Variants in CCDC88C observed in about 807,000 individuals in gnomAD.
CCDC88C encodes the protein coiled-coil and HOOK domain protein 88C.
Under a neutral mutation model 198.8 loss-of-function variants are expected in CCDC88C, and 131 were observed. That is an observed-to-expected ratio of 0.66 (90% confidence interval 0.57 to 0.76). The LOEUF (loss-of-function observed/expected upper bound fraction) is 0.76. Ranked by LOEUF, CCDC88C falls within the 30% of genes least tolerant of loss-of-function variation. The pLI is 0.00. For missense variants in CCDC88C, 2,553 were observed against 2,631.6 expected, an observed-to-expected ratio of 0.97 and a Z score of 0.65; for synonymous variants, 1,166 against 1,114.7, an observed-to-expected ratio of 1.05 and a Z score of -0.92.
intron 22 of CCDC88C, among the ~76,000 whole-genome samples, chr14:91,296,619 G>A (rs1426078396): frequency 6.6e-6 from 1 of 152,350 alleles, no homozygotes; most frequent in East Asian, 1.9e-4. Flanking sequence ...GGCACCCTGC[G>A]CCTCGGTTTC....
intron 3 of CCDC88C, among the ~76,000 whole-genome samples, chr14:91,363,044 C>A (rs752519467): frequency 6.6e-6 from 1 of 152,102 alleles, no homozygotes; most frequent in Non-Finnish European, 1.5e-5. Flanking sequence ...AAGCTACTCT[C>A]GAGCCATTAA....
At chr14:91,317,128 A>G (rs1420011558) in intron 13 of CCDC88C, among the ~76,000 whole-genome samples, 1 of 152,236 alleles carries the variant, frequency 6.6e-6, no homozygotes, top group Non-Finnish European at 1.5e-5. Flanking sequence ...TGACTCAAAG[A>G]ATGAACTCTT....
At position 91,339,004 on chromosome 14, in the gene CCDC88C, C is replaced by T. The variant is rs1397073561; in HGVS notation, c.809+274G>A. On this transcript the variant is annotated intron_variant, in intron 8 of 29. Transcript: ENST00000389857. This position sits in a 1 kb window ranked among gnomAD's most constrained non-coding sequence, Gnocchi z 5.8. ...GTCCCGGCCCCAAGCTGGAGCTGAG[C>T]GTGGACTGGAGGCTGCTTCTGTGGA... 5.4e-6 allele frequency: 3 copies of T among 554,456 alleles called. No individual in the cohort carries two copies. Among genetic ancestry groups the T allele is most frequent in the Admixed American group, 5.7e-5 (2 of 34,886 alleles). The allele number at this position is 554,456 out of a possible 1,614,324, so 34.3% of individuals were successfully genotyped here.
chr14:91,361,737 T>C (rs1002411868), intron 3 of CCDC88C, among the ~76,000 whole-genome samples: 1 of 152,188 alleles, frequency 6.6e-6, no homozygotes, highest in Non-Finnish European at 1.5e-5. Flanking sequence ...AGCCCTCCTT[T>C]AGGGCTTGGG....
chr14:91,351,589 G>T (rs573110443), intron 4 of CCDC88C, among the ~76,000 whole-genome samples: 2 of 152,276 alleles, frequency 1.3e-5, no homozygotes, highest in East Asian at 3.9e-4. Flanking sequence ...CTCACATTCT[G>T]GGGAGCGGCC....
chr14:91,372,869 G>T (rs1419371369), intron 3 of CCDC88C, among the ~76,000 whole-genome samples: 1 of 152,202 alleles, frequency 6.6e-6, no homozygotes, highest in Non-Finnish European at 1.5e-5. Flanking sequence ...AATCAAGCCT[G>T]TGCCTGGCAT....
At position 91,326,060 on chromosome 14, in the gene CCDC88C, G is replaced by A; in HGVS notation, c.1051-4C>T. On this transcript the variant is annotated splice_polypyrimidine_tract_variant and splice_region_variant and intron_variant, in intron 10 of 29. Coordinates refer to ENST00000389857, the MANE Select transcript of CCDC88C (RefSeq NM_001080414.4). ...TGATATTATCTTCTCTCAGCTCCTG[G>A]TTAGCAAAAACATACATGAGAACCA... 1.2e-6 allele frequency: 2 copies of A among 1,607,268 alleles called. No individual in the cohort carries two copies. The highest frequency in any genetic ancestry group is 4.5e-5 in the East Asian group (2 of 44,800).
At chr14:91,293,780 A>G (rs1890876313) in intron 23 of CCDC88C, among the ~76,000 whole-genome samples, 1 of 152,150 alleles carries the variant, frequency 6.6e-6, no homozygotes, top group Non-Finnish European at 1.5e-5. Context: ...TGCACCTCAC[A>G]GGGCCCAACA....
At chr14:91,398,814 G>A (rs1281880682) in intron 3 of CCDC88C, among the ~76,000 whole-genome samples, 1 of 152,158 alleles carries the variant, frequency 6.6e-6, no homozygotes. Flanking sequence ...CCTCTTGTCT[G>A]GCTGATCAGG....
chr14:91,365,706 G>A (rs928559743), intron 3 of CCDC88C, among the ~76,000 whole-genome samples: 7 of 152,126 alleles, frequency 4.6e-5, no homozygotes, highest in Non-Finnish European at 1.0e-4. Flanking sequence ...CCCCAACTCT[G>A]AGTCAACCAT....
chr14:91,408,762 G>A lies in CCDC88C; in HGVS notation c.167C>T (p.Pro56Leu), dbSNP rs904785173. The change falls in exon 3 of 30, where the codon CCC becomes CTC. Residue 56 changes from proline to leucine, a missense_variant. By Grantham distance (98) the Pro-to-Leu change is moderately conservative. Around this residue, in one of 2 missense-constraint regions of CCDC88C, gnomAD observed 1,260 missense variants for 1,412.0 expected, o/e 0.89. Transcript: ENST00000389857. Reference sequence around the variant, plus strand: ...ATTGATGCGTTGATTTGTGGGCCTGGGATCTCTAGGGGAAGAAACACGAGA... The same window carrying A: ...ATTGATGCGTTGATTTGTGGGCCTGAGATCTCTAGGGGAAGAAACACGAGA... ...FLNQIMLQID[P>L]RPTNQRINKH... 2.5e-6 allele frequency: 4 copies of A among 1,608,054 alleles called. No homozygotes were observed. The highest frequency in any genetic ancestry group is 3.4e-6 in the Non-Finnish European group (4 of 1,174,562).
At chr14:91,297,718 G>A (rs1891074517) in intron 21 of CCDC88C, among the ~76,000 whole-genome samples, 1 of 152,050 alleles carries the variant, frequency 6.6e-6, no homozygotes, top group Non-Finnish European at 1.5e-5. Flanking sequence ...GGGTACCCCT[G>A]ATGCCACTAC....
At chr14:91,411,858 GA>G (rs1425139438) in intron 2 of CCDC88C, among the ~76,000 whole-genome samples, 2 of 151,780 alleles carry the variant, frequency 1.3e-5, no homozygotes, top group Non-Finnish European at 2.9e-5. Flanking sequence ...AGCTAATCGG[GA>G]GGCTGAGGCA....
At chr14:91,340,207 C>T (rs945635636) in intron 6 of CCDC88C, among the ~76,000 whole-genome samples, 183 bp from the exon 7 acceptor site, 3 of 152,204 alleles carry the variant, frequency 2.0e-5, no homozygotes, top group African/African-American at 2.4e-5. Flanking sequence ...CCTGTTCATA[C>T]GAACCACTTC....
chr14:91,369,306 A>G (rs1216864127), intron 3 of CCDC88C, among the ~76,000 whole-genome samples: 2 of 152,124 alleles, frequency 1.3e-5, no homozygotes, highest in African/African-American at 2.4e-5. Context: ...TCCTGGGTTC[A>G]AGCAATTCTC....
At chr14:91,331,382 G>A (rs1345931719) in intron 10 of CCDC88C, among the ~76,000 whole-genome samples, 9 of 152,186 alleles carry the variant, frequency 5.9e-5, no homozygotes, top group Admixed American at 3.9e-4. Flanking sequence ...ATGTTGCCTG[G>A]GGCCAGAGGA....
intron 3 of CCDC88C, among the ~76,000 whole-genome samples, chr14:91,406,898 A>G (rs113782973): frequency 0.03 from 4,559 of 152,190 alleles, 94 homozygotes; most frequent in Middle Eastern, 0.071. Context: ...AGGCTCCCAC[A>G]CCAGCCCTCC....
At chr14:91,279,971 C>G (rs1434464195) in intron 27 of CCDC88C, 1 of 152,224 alleles carries the variant, frequency 6.6e-6, no homozygotes, top group African/African-American at 2.4e-5. Context: ...GCCCACCTGG[C>G]CACAACAGGT....
chr14:91,362,667 C>A (rs774433448), intron 3 of CCDC88C, among the ~76,000 whole-genome samples: 2 of 152,226 alleles, frequency 1.3e-5, no homozygotes, highest in Admixed American at 1.3e-4. Context: ...CGGTGGCTCA[C>A]GCCTGTAATC....
Sources: gnomAD v4.1 joint callset for allele counts (sites outside exome capture counted in the v4.1 genomes callset) on GRCh38, gnomAD v4.1.1 for gene constraint, gnomAD v4.1.1 regional missense constraint, Gnocchi (gnomAD v3.1) non-coding constraint, MANE v1.5 for transcripts, NCBI Gene and HGNC (gene_info 2026-07-23, HGNC 2026-07-21) for gene names.